The following SLC4A11 variants were observed in gnomAD, a reference collection of about 807,000 sequenced individuals.
SLC4A11 encodes the protein solute carrier family 4 member 11.
A neutral mutation model predicts 95.0 loss-of-function variants in SLC4A11; 74 were observed. The ratio of observed to expected loss-of-function variants is 0.78; its 90% CI spans 0.65 to 0.95. The LOEUF is 0.95. Ranked by LOEUF, SLC4A11 falls within the 40% of genes least tolerant of loss-of-function variation. The pLI, the probability that SLC4A11 is intolerant of heterozygous loss-of-function variation, is 0.00. For synonymous variants in SLC4A11, 548 were observed against 519.0 expected, an observed-to-expected ratio of 1.06 and a Z score of -0.76; for missense variants, 1,081 against 1,192.4, an observed-to-expected ratio of 0.91 and a Z score of 1.38.
intron 10 of SLC4A11, 28 bp from the exon 11 acceptor site, chr20:3,230,873 G>A (rs370859540): frequency 1.7e-5 from 27 of 1,612,566 alleles, no homozygotes; most frequent in Middle Eastern, 1.6e-4. Flanking sequence ...TCAGGTGGGC[G>A]CCGCAGCCCA....
chr20:3,230,937 G>C lies in SLC4A11; in HGVS notation c.1164C>G (p.Ala388=), dbSNP rs770579844. Residue 388 remains alanine (A), a synonymous_variant, in exon 10 of 20, where the codon GCC becomes GCG. Coordinates refer to ENST00000642402, the MANE Select transcript of SLC4A11 (RefSeq NM_001174089.2). The part of the protein sequence containing the change: ...GSLNDENTDG[A]IDVQKTIAGQ... Reference sequence around the variant, plus strand: ...CGCCCACCGCCAGCCCCTCACCGATGGCCCCGTCTGTGTTCTCGTCATTGA... The same window carrying C: ...CGCCCACCGCCAGCCCCTCACCGATCGCCCCGTCTGTGTTCTCGTCATTGA... 6.3e-7 allele frequency: 1 copy of C among 1,582,140 alleles called. No individual in the cohort carries two copies.
intron 1 of SLC4A11, chr20:3,237,973 T>G (rs1279329884): frequency 3.2e-6 from 5 of 1,549,730 alleles, no homozygotes; most frequent in Non-Finnish European, 4.4e-6. Flanking sequence ...AGCGGGCCTC[T>G]CCCCCTCTCT....
chr20:3,229,753 G>T lies in SLC4A11; in HGVS notation c.1513C>A (p.His505Asn), dbSNP rs369897858. The change falls in exon 14 of 20, where the codon CAT becomes AAT. Residue 505 changes from histidine to asparagine, a missense_variant. This residue lies in a region of SLC4A11 where 767 missense variants were observed against 858.0 expected (regional missense o/e 0.89). Transcript: ENST00000642402. ...TTTGTGTGATAGTCGTCCAAGTAAT[G>T]CCCATAGTAGTACTTCCAGAAGACT... ...VKIFWKYYYG[H>N]YLDDYHTKRT... is the part of the protein sequence containing the mutation. 6.2e-7 allele frequency: 1 copy of T among 1,613,824 alleles called. No individual in the cohort carries two copies. Among genetic ancestry groups the T allele is most frequent in the Non-Finnish European group, 8.5e-7 (1 of 1,179,984 alleles).
At chr20:3,239,288 C>T (rs1248843675), upstream of SLC4A11, 5 of 1,180,650 alleles carry the variant, frequency 4.2e-6, no homozygotes, top group Admixed American at 4.6e-5. Flanking sequence ...ACGCCGCGCC[C>T]GGGCGCGGTA....
At position 3,229,664 on chromosome 20, in the gene SLC4A11, A is replaced by G. The variant is rs2067685239; in HGVS notation, c.1602T>C (p.Thr534=). ...TGGCGAGGAAGCTGGCGTTGAGGGCAGTGTGGAGGCTGGCGTTGAGGCTGG... is the reference window on the plus strand; with the variant it reads ...TGGCGAGGAAGCTGGCGTTGAGGGCGGTGTGGAGGCTGGCGTTGAGGCTGG... ...LGASLNASLH[T]ALNASFLASP... Residue 534 remains threonine (T), a synonymous_variant, in exon 14 of 20, where the codon ACT becomes ACC. Transcript: ENST00000642402. 1 of 1,613,712 alleles carries G rather than the reference A, an allele frequency of 6.2e-7. No homozygotes were observed. Among genetic ancestry groups the G allele is most frequent in the African/African-American group, 1.3e-5 (1 of 74,910 alleles).
chr20:3,229,839 G>T (rs2067693395), intron 13 of SLC4A11, 63 bp from the exon 14 acceptor site: 1 of 1,609,740 alleles, frequency 6.2e-7, no homozygotes, highest in Non-Finnish European at 8.5e-7. Flanking sequence ...GGCCCTGGAG[G>T]GAGGGGATCT....
In SLC4A11 at chr20:3,231,851, T is replaced by C. The variant is rs1186154372; in HGVS notation, c.730-303A>G. ...TTTTTAACTTTTTGTAGAGACGAGG[T>C]CTCACTATGTTGACCAGGCTGGTCT... is the stretch of plus-strand genomic sequence containing the variant. On this transcript the variant is annotated intron_variant, in intron 7 of 19. Transcript: ENST00000642402. The surrounding 1 kb of genome is among the most constrained non-coding windows in gnomAD (Gnocchi z 5.2). 6.6e-6 allele frequency among the ~76,000 whole-genome samples: 1 copy of C among 152,064 alleles called. No individual in the cohort carries two copies. Among genetic ancestry groups the C allele is most frequent in the African/African-American group, 2.4e-5 (1 of 41,402 alleles).
At position 3,229,698 on chromosome 20, in the gene SLC4A11, C is replaced by A. The variant is rs763965682; in HGVS notation, c.1568G>T (p.Gly523Val). Reference sequence around the variant, plus strand: ...GCTGGCGTTGAGGCTGGCGCCGAGGCCTGACAGGCTGACAAGGGATGAAGT... The same window carrying A: ...GCTGGCGTTGAGGCTGGCGCCGAGGACTGACAGGCTGACAAGGGATGAAGT... ...KRTSSLVSLS[G>V]LGASLNASLH... Residue 523 changes from glycine to valine, a missense_variant, in exon 14 of 20, where the codon GGC (glycine) becomes GTC (valine). Coordinates refer to ENST00000642402, the MANE Select transcript of SLC4A11 (RefSeq NM_001174089.2). 4 of 1,613,940 alleles carry A rather than the reference C, an allele frequency of 2.5e-6. No homozygotes were observed. The East Asian group carries it at 8.9e-5, about 36-fold the overall frequency.
chr20:3,228,282 G>A lies in SLC4A11; in HGVS notation c.2535C>T (p.Ile845=), dbSNP rs1382271458. ...LPYMKMIFPL[I]MIAMIPIRYI... ...ACCGGATGGGGATCATGGCGATCAT[G>A]ATGAGGGGAAAGATCATCTTCATGT... is the stretch of plus-strand genomic sequence containing the variant. The change falls in exon 19 of 20, where the codon ATC becomes ATT. Residue 845 remains isoleucine, a synonymous_variant. Transcript: ENST00000642402. 7 of 1,612,866 alleles carry A rather than the reference G, an allele frequency of 4.3e-6. No homozygotes were observed. The highest frequency in any genetic ancestry group is 5.9e-6 in the Non-Finnish European group (7 of 1,179,924).
chr20:3,239,299 G>T, upstream of SLC4A11: 1 of 1,179,146 alleles, frequency 8.5e-7, no homozygotes, highest in Non-Finnish European at 1.0e-6. Flanking sequence ...GGGCGCGGTA[G>T]GCAGAGCTGC....
chr20:3,230,064 A>T, intron 13 of SLC4A11, 123 bp downstream of exon 13: 1 of 1,267,348 alleles, frequency 7.9e-7, no homozygotes, highest in Non-Finnish European at 1.1e-6. Flanking sequence ...AGAGCACCGC[A>T]CCCTTGATCA....
At position 3,234,660 on chromosome 20, in the gene SLC4A11, C is replaced by A; in HGVS notation, c.242-43G>T. ...GGAGGGCTCAGGGTGCCACCCTCTC[C>A]TCAGGTCTTTCTTAGTAAGGCGAGT... On this transcript the variant is annotated intron_variant, in intron 3 of 19. Coordinates refer to ENST00000642402, the MANE Select transcript of SLC4A11 (RefSeq NM_001174089.2). The surrounding 1 kb of genome is among the most constrained non-coding windows in gnomAD (Gnocchi z 5.8). 1 of 1,613,902 alleles carries A rather than the reference C, an allele frequency of 6.2e-7. No individual in the cohort carries two copies. The highest frequency in any genetic ancestry group is 8.5e-7 in the Non-Finnish European group (1 of 1,180,016).
chr20:3,237,656 T>A, intron 1 of SLC4A11, 68 bp from the exon 2 acceptor site: 2 of 1,613,814 alleles, frequency 1.2e-6, no homozygotes, highest in Non-Finnish European at 1.7e-6. Flanking sequence ...TGCACCTGTC[T>A]CCCCGCCCCC....
intron 2 of SLC4A11, among the ~76,000 whole-genome samples, chr20:3,235,150 C>T (rs937213846): frequency 4.6e-5 from 7 of 152,310 alleles, no homozygotes; most frequent in East Asian, 1.9e-4. Context: ...GACCCTTCAG[C>T]GTGAGAAAAA....
chr20:3,238,605 G>A (rs1406798196), intron 1 of SLC4A11: 7 of 991,124 alleles, frequency 7.1e-6, no homozygotes, highest in Admixed American at 1.2e-4. Flanking sequence ...GGGAGAAACC[G>A]CTGCGGCCGC....
Position 3,233,606 on chromosome 20 carries a change from C to T in SLC4A11, c.637G>A (p.Val213Met), listed in dbSNP as rs767568042. Residue 213 changes from valine (V) to methionine (M), a missense_variant, in exon 7 of 20, where the codon GTG (valine) becomes ATG (methionine). Around this residue, in one of 3 missense-constraint regions of SLC4A11, gnomAD observed 310 missense variants for 313.5 expected, o/e 0.99. Coordinates refer to ENST00000642402, the MANE Select transcript of SLC4A11 (RefSeq NM_001174089.2). ...GGGCGAACCAGGCGGCTGATGCACA[C>T]GTGCCGCTTCTGTAGGGCCTTCATG... Reference protein sequence around the residue: ...CTMKALQKRHVCISRLVRPQN... With the variant: ...CTMKALQKRHMCISRLVRPQN... 9 of 1,613,346 alleles carry T rather than the reference C, an allele frequency of 5.6e-6. No homozygotes were observed. The highest frequency in any genetic ancestry group is 2.2e-5 in the South Asian group (2 of 91,092).
At chr20:3,236,122 C>T (rs557351677) in intron 2 of SLC4A11, among the ~76,000 whole-genome samples, 1 of 152,284 alleles carries the variant, frequency 6.6e-6, no homozygotes, top group East Asian at 1.9e-4. Context: ...AGTGACTCAC[C>T]CTGACTCACT....
intron 1 of SLC4A11, chr20:3,238,087 C>T (rs1052182419): frequency 4.1e-6 from 6 of 1,466,322 alleles, no homozygotes; most frequent in Non-Finnish European, 5.4e-6. Flanking sequence ...TCCCCCGACC[C>T]CCGTCACGCG....
chr20:3,236,646 C>T (rs1208548155), intron 2 of SLC4A11, among the ~76,000 whole-genome samples: 1 of 152,132 alleles, frequency 6.6e-6, no homozygotes, highest in African/African-American at 2.4e-5. Flanking sequence ...TTCTGGAGCT[C>T]ATGATAAACT....
Sources: gnomAD v4.1 joint callset for allele counts (sites outside exome capture counted in the v4.1 genomes callset) on GRCh38, gnomAD v4.1.1 for gene constraint, gnomAD v4.1.1 regional missense constraint, Gnocchi (gnomAD v3.1) non-coding constraint, MANE v1.5 for transcripts, NCBI Gene and HGNC (gene_info 2026-07-23, HGNC 2026-07-21) for gene names.